BEND2: variants seen among roughly 807,000 people sequenced by gnomAD.
BEND2 encodes the protein BEN domain containing 2.
BEND2 carries 19 observed loss-of-function variants against 43.8 expected under a neutral mutation model. The ratio of observed to expected loss-of-function variants is 0.43; its 90% confidence interval spans 0.30 to 0.64. BEND2 has a LOEUF of 0.64. BEND2 is among the 30% of genes least tolerant of loss of function. The pLI is 0.11. For missense variants in BEND2, 544 were observed against 574.0 expected (o/e 0.95, Z 0.53); for synonymous variants, 226 against 210.1 (o/e 1.08, Z -0.66).
At chrX:18,180,966 G>A (rs762999137) in intron 8 of BEND2, among the ~76,000 whole-genome samples, 8 of 110,047 alleles carry the variant, frequency 7.3e-5, no homozygotes, top group Non-Finnish European at 1.1e-4. Flanking sequence ...ATAGACATGG[G>A]GTTTCGCCAT....
chrX:18,181,279 C>G (rs34413440), intron 8 of BEND2, among the ~76,000 whole-genome samples: 1 of 110,608 alleles, frequency 9.0e-6, no homozygotes, highest in Non-Finnish European at 1.9e-5. Flanking sequence ...GGGTTAAGCA[C>G]CTAAGAGTGA....
chrX:18,190,381 G>T (rs192582117), intron 8 of BEND2, among the ~76,000 whole-genome samples: 1 of 111,544 alleles, frequency 9.0e-6, no homozygotes, highest in African/African-American at 3.3e-5. Context: ...ATAGTACTCA[G>T]CAATAAACAG....
At position 18,164,759 on chromosome X, in the gene BEND2, C is replaced by A; in HGVS notation, c.*250G>T. 3.2e-6 allele frequency: 1 copy of A among 316,916 alleles called. No homozygotes were observed. Among genetic ancestry groups the A allele is most frequent in the Middle Eastern group, 8.4e-4 (1 of 1,191 alleles). 26.1% of individuals were successfully genotyped at this position (316,916 alleles called of 1,213,427 possible). A position where few individuals can be genotyped will look rare whatever the true frequency, so the allele number is the denominator to read the frequency against. On this transcript the variant is annotated 3_prime_UTR_variant, in exon 14 of 14. Transcript: ENST00000380033. Reference sequence around the variant, plus strand: ...TTATCTAAGTCAAAGCCATGGGTCACAAGCCCATGAGGAGTTTACTACCAT... The same window carrying A: ...TTATCTAAGTCAAAGCCATGGGTCAAAAGCCCATGAGGAGTTTACTACCAT...
chrX:18,218,124 CAAG>C (rs1327874911), intron 1 of BEND2, among the ~76,000 whole-genome samples: 1 of 108,932 alleles, frequency 9.2e-6, no homozygotes, highest in Non-Finnish European at 1.9e-5. Context: ...AAAGAAAGAA[CAAG>C]AAGAAGAAGA....
intron 10 of BEND2, 118 bp downstream of exon 10, chrX:18,177,451 T>C (rs975443148): frequency 1.3e-6 from 1 of 760,999 alleles, no homozygotes; most frequent in South Asian, 2.7e-5. Context: ...GTGAAAAAAA[T>C]GAATAGTTTT....
intron 1 of BEND2, among the ~76,000 whole-genome samples, chrX:18,220,271 G>A (rs1925825308): frequency 8.9e-6 from 1 of 112,226 alleles, no homozygotes; most frequent in Admixed American, 9.3e-5. Context: ...GAAAAAGTGC[G>A]GCCGCATAGA....
At chrX:18,180,765 G>T in intron 8 of BEND2, 115 bp from the exon 9 acceptor site, 1 of 520,174 alleles carries the variant, frequency 1.9e-6, no homozygotes, top group Non-Finnish European at 3.0e-6. Context: ...GTTGCCAGCA[G>T]ACCTACTCTT....
chrX:18,204,812 C>T (rs762251150), intron 4 of BEND2, among the ~76,000 whole-genome samples: 5 of 111,470 alleles, frequency 4.5e-5, no homozygotes, highest in Non-Finnish European at 7.5e-5. Context: ...ATGATGAAGA[C>T]GCTGCACATC....
intron 6 of BEND2, among the ~76,000 whole-genome samples, chrX:18,197,173 GCCTAT>G (rs1021726429): frequency 6.2e-5 from 7 of 112,131 alleles, no homozygotes; most frequent in Non-Finnish European, 1.1e-4. Flanking sequence ...GGTGGCTCAC[GCCTAT>G]AATCCCAGCA....
intron 13 of BEND2, among the ~76,000 whole-genome samples, chrX:18,169,800 T>G (rs1923919920): frequency 8.9e-6 from 1 of 112,131 alleles, no homozygotes; most frequent in Non-Finnish European, 1.9e-5. Flanking sequence ...GTCAAACTCA[T>G]GCTGAATATT....
chrX:18,204,987 A>C (rs758822631), intron 4 of BEND2, among the ~76,000 whole-genome samples: 13 of 111,770 alleles, frequency 1.2e-4, no homozygotes, highest in Non-Finnish European at 2.3e-4. Flanking sequence ...ATTGAGCCAA[A>C]TATAACAGAT....
intron 9 of BEND2, 79 bp from the exon 10 acceptor site, chrX:18,177,848 C>T: frequency 1.2e-6 from 1 of 835,474 alleles, no homozygotes; most frequent in East Asian, 3.2e-5. Flanking sequence ...GAGAATTACA[C>T]TGATTTATTT....
At position 18,184,181 on chromosome X, in the gene BEND2, G is replaced by T. The variant is rs1258408287; in HGVS notation, c.1289-3531C>A. ...ACCATAGACAGAGACTCCTTTGTTT[G>T]GGGGGACGTAAGGGAAGAGCCCAGG... is the stretch of plus-strand genomic sequence containing the variant. On this transcript the variant is annotated intron_variant, in intron 8 of 13. Coordinates refer to ENST00000380033, the MANE Select transcript of BEND2 (RefSeq NM_153346.5). Among the ~76,000 whole-genome samples the T allele has an allele frequency of 2.7e-5, 3 of 111,265 alleles. No individual in the cohort carries two copies. The East Asian group carries it at 8.5e-4, about 32-fold the overall frequency.
chrX:18,211,067 T>C (rs1925487237), intron 4 of BEND2, among the ~76,000 whole-genome samples: 1 of 111,631 alleles, frequency 9.0e-6, no homozygotes, highest in East Asian at 2.8e-4. Context: ...CAGATAATTA[T>C]GTACAAAACC....
Position 18,165,109 on chromosome X carries a change from C to T in BEND2, c.2300G>A (p.Arg767Lys), listed in dbSNP as rs752028517. The change falls in exon 14 of 14, where the codon AGG becomes AAG. Residue 767 changes from arginine to lysine, a missense_variant. Arg to Lys is a conservative substitution (Grantham distance 26). This residue lies in a region of BEND2 where 43 missense variants were observed against 72.4 expected (regional missense o/e 0.59). Coordinates refer to ENST00000380033, the MANE Select transcript of BEND2 (RefSeq NM_153346.5). ...GIRSLRHDVR[R>K]AEARSQSLPA... is the part of the protein sequence containing the mutation. Reference sequence around the variant, plus strand: ...AAGCGACTGAGACCTGGCTTCAGCCCTTCTGACGTCATGTCTAAGGCTACG... The same window carrying T: ...AAGCGACTGAGACCTGGCTTCAGCCTTTCTGACGTCATGTCTAAGGCTACG... The T allele has an allele frequency of 9.1e-6, 11 of 1,208,470 alleles. No individual in the cohort carries two copies. The highest frequency in any genetic ancestry group is 7.0e-5 in the African/African-American group (4 of 57,064).
intron 11 of BEND2, among the ~76,000 whole-genome samples, chrX:18,175,060 A>T (rs1924101901): frequency 8.9e-6 from 1 of 111,740 alleles, no homozygotes; most frequent in African/African-American, 3.3e-5. Flanking sequence ...ACACCTAAGC[A>T]AATATGCAAA....
chrX:18,179,631 G>A (rs1467013388), intron 9 of BEND2, among the ~76,000 whole-genome samples: 1 of 112,085 alleles, frequency 8.9e-6, no homozygotes, highest in African/African-American at 3.2e-5. Context: ...TTCGTCTATG[G>A]GCTGAGGCTG....
Position 18,164,194 on chromosome X carries a change from T to C in BEND2, c.*815A>G, listed in dbSNP as rs544340153. 2.7e-5 allele frequency: 3 copies of C among 110,370 alleles called. No individual in the cohort carries two copies. The highest frequency in any genetic ancestry group is 6.6e-5 in the African/African-American group (2 of 30,407). 9.1% of individuals were successfully genotyped at this position (110,370 alleles called of 1,213,427 possible). A position where few individuals can be genotyped will look rare whatever the true frequency, so the allele number is the denominator to read the frequency against. The stretch of plus-strand genomic sequence containing the variant: ...CTTGCCACCATGCCTGGCTACTTTT[T>C]TTGTATTTTTAGTAGAGATGGGGTT... On this transcript the variant is annotated 3_prime_UTR_variant, in exon 14 of 14. Transcript: ENST00000380033.
intron 7 of BEND2, among the ~76,000 whole-genome samples, chrX:18,194,714 G>C (rs1924879595): frequency 1.8e-5 from 2 of 111,205 alleles, no homozygotes; most frequent in Admixed American, 1.9e-4. Flanking sequence ...TCTAAGCTGA[G>C]TGAAAAAAAA....
Sources: gnomAD v4.1 joint callset for allele counts (sites outside exome capture counted in the v4.1 genomes callset) on GRCh38, gnomAD v4.1.1 for gene constraint, gnomAD v4.1.1 regional missense constraint, MANE v1.5 for transcripts, NCBI Gene and HGNC (gene_info 2026-07-23, HGNC 2026-07-21) for gene names.